CDKAL1: variants seen among roughly 807,000 people sequenced by gnomAD.
CDKAL1 encodes CDKAL1 threonylcarbamoyladenosine tRNA methylthiotransferase, also known as threonylcarbamoyladenosine tRNA methylthiotransferase.
CDKAL1 carries 32 observed loss-of-function variants against 68.2 expected under a neutral mutation model. The ratio of observed to expected loss-of-function variants is 0.47; its 90% CI spans 0.35 to 0.63. CDKAL1 has a LOEUF of 0.63. CDKAL1 is among the 30% of genes least tolerant of loss of function. The pLI is 0.00. For missense variants in CDKAL1, 606 were observed against 696.7 expected (o/e 0.87, Z 1.47); for synonymous variants, 234 against 244.3 (o/e 0.96, Z 0.39).
intron 11 of CDKAL1, among the ~76,000 whole-genome samples, chr6:21,030,819 G>T (rs1295737051): frequency 6.6e-6 from 1 of 152,144 alleles, no homozygotes; most frequent in Non-Finnish European, 1.5e-5. Flanking sequence ...TATGCCAGCT[G>T]CTCTTTCTGG....
intron 9 of CDKAL1, among the ~76,000 whole-genome samples, chr6:20,896,100 TTTC>T (rs1761671950): frequency 3.9e-5 from 4 of 101,624 alleles, no homozygotes; most frequent in African/African-American, 9.4e-5. Context: ...TTTCTTTTCT[TTTC>T]TTTTTTTTTT....
At chr6:20,763,414 T>C (rs1179327215) in intron 7 of CDKAL1, among the ~76,000 whole-genome samples, 2 of 152,178 alleles carry the variant, frequency 1.3e-5, no homozygotes. Context: ...CAGATTTTAG[T>C]AAATCGTTCC....
At chr6:20,596,905 G>A (rs1269359506) in intron 4 of CDKAL1, among the ~76,000 whole-genome samples, 2 of 152,124 alleles carry the variant, frequency 1.3e-5, no homozygotes, top group Non-Finnish European at 1.5e-5. Context: ...GGAGTTCCTC[G>A]ATGCCTTGTG....
At chr6:21,060,358 C>T (rs915747189) in intron 11 of CDKAL1, among the ~76,000 whole-genome samples, 4 of 152,116 alleles carry the variant, frequency 2.6e-5, no homozygotes, top group African/African-American at 7.2e-5. Flanking sequence ...TCTTTGTATC[C>T]TTTTACTGTT....
chr6:20,961,314 T>G (rs1250636471), intron 10 of CDKAL1, among the ~76,000 whole-genome samples: 2 of 152,168 alleles, frequency 1.3e-5, no homozygotes, highest in Non-Finnish European at 2.9e-5. Context: ...CTAGAGGCCA[T>G]TATCCTTAGC....
intron 4 of CDKAL1, among the ~76,000 whole-genome samples, chr6:20,615,923 T>G (rs1225818649): frequency 7.2e-4 from 107 of 148,360 alleles, no homozygotes; most frequent in African/African-American, 1.6e-3. Flanking sequence ...GGTCTAACGT[T>G]TAAGTCTTTA....
chr6:21,081,618 C>T (rs1213080250), intron 12 of CDKAL1, among the ~76,000 whole-genome samples: 1 of 148,184 alleles, frequency 6.7e-6, no homozygotes, highest in Non-Finnish European at 1.5e-5. Flanking sequence ...GTCACCCAGG[C>T]TAGAGTGCAG....
At chr6:21,104,916 C>G (rs1773773917) in intron 12 of CDKAL1, among the ~76,000 whole-genome samples, 1 of 152,204 alleles carries the variant, frequency 6.6e-6, no homozygotes, top group South Asian at 2.1e-4. Flanking sequence ...TTTCCACCTG[C>G]CAATGCAAGC....
intron 4 of CDKAL1, among the ~76,000 whole-genome samples, chr6:20,556,600 T>G (rs1029657291): frequency 2.0e-5 from 3 of 152,218 alleles, no homozygotes; most frequent in African/African-American, 7.2e-5. Context: ...TCTTGCTCCT[T>G]TACTATCACC....
intron 4 of CDKAL1, among the ~76,000 whole-genome samples, chr6:20,570,053 T>C (rs1414006387): frequency 1.3e-5 from 2 of 152,094 alleles, no homozygotes; most frequent in African/African-American, 2.4e-5. Flanking sequence ...CTTAAAAATA[T>C]TTGACTACAG....
At chr6:21,121,912 G>T (rs1055179539) in intron 13 of CDKAL1, among the ~76,000 whole-genome samples, 1 of 152,140 alleles carries the variant, frequency 6.6e-6, no homozygotes, top group Non-Finnish European at 1.5e-5. Flanking sequence ...CTTCCTAACA[G>T]CTGCAGTGGT....
chr6:20,983,277 G>A (rs1196619011), intron 10 of CDKAL1, among the ~76,000 whole-genome samples: 1 of 152,152 alleles, frequency 6.6e-6, no homozygotes, highest in Non-Finnish European at 1.5e-5. Context: ...AATGTAATAA[G>A]AGCTAGTTAA....
rs1768416114 is a variant in CDKAL1 at position 20,645,741 on chromosome 6, TAAATAAATAAATAA to T, written c.287-3537_287-3524del. Among the ~76,000 whole-genome samples, 3 of 146,320 alleles carry T rather than the reference TAAATAAATAAATAA, an allele frequency of 2.1e-5. No homozygotes were observed. The Admixed American group carries it at 2.1e-4, about 10-fold the overall frequency. On this transcript the variant is annotated intron_variant, in intron 4 of 15. Transcript: ENST00000274695. ...TGAGACTCTGTCTCAAATAAATAAA[TAAATAAATAAATAA>T]AAATAAATAAATAATTTTATTTTAT...
At chr6:21,042,220 G>T (rs1381798034) in intron 11 of CDKAL1, among the ~76,000 whole-genome samples, 1 of 151,900 alleles carries the variant, frequency 6.6e-6, no homozygotes, top group Non-Finnish European at 1.5e-5. Context: ...CCATGTATTG[G>T]TCTTCTATCT....
chr6:21,092,207 C>CAT (rs1562024133), intron 12 of CDKAL1, among the ~76,000 whole-genome samples: 1 of 32,140 alleles, frequency 3.1e-5, no homozygotes, highest in Non-Finnish European at 5.9e-5. Context: ...TTTCAATCAG[C>CAT]TTTTTTTTTT....
intron 4 of CDKAL1, among the ~76,000 whole-genome samples, chr6:20,632,486 A>C (rs1767716534): frequency 6.6e-6 from 1 of 152,220 alleles, no homozygotes; most frequent in African/African-American, 2.4e-5. Flanking sequence ...AAAGATTGCT[A>C]TCCATGTTTC....
At chr6:21,047,153 A>G (rs201333) in intron 11 of CDKAL1, among the ~76,000 whole-genome samples, 27,471 of 151,692 alleles carry the variant, frequency 0.18, 2,598 homozygotes, top group Middle Eastern at 0.23. Context: ...TTGAACTCCT[A>G]GATCCTTCCG....
intron 9 of CDKAL1, among the ~76,000 whole-genome samples, chr6:20,944,042 A>G (rs1197328930): frequency 2.0e-5 from 3 of 152,222 alleles, no homozygotes; most frequent in African/African-American, 7.2e-5. Flanking sequence ...CCTCTCCTCT[A>G]TGATATTTAA....
At chr6:20,645,691 A>G (rs1485601647) in intron 4 of CDKAL1, among the ~76,000 whole-genome samples, 2 of 151,970 alleles carry the variant, frequency 1.3e-5, no homozygotes, top group East Asian at 1.9e-4. Flanking sequence ...AGATTGCGCC[A>G]CTGTACTCTA....
Sources: gnomAD v4.1 joint callset for allele counts (sites outside exome capture counted in the v4.1 genomes callset) on GRCh38, gnomAD v4.1.1 for gene constraint, MANE v1.5 for transcripts, NCBI Gene and HGNC (gene_info 2026-07-23, HGNC 2026-07-21) for gene names.